ZNF280D: variants seen among roughly 807,000 people sequenced by gnomAD.
ZNF280D encodes suppressor of hairy wing homolog 4.
In ZNF280D, 39 loss-of-function variants were observed where a neutral mutation model predicts 94.7. The observed-to-expected ratio is 0.41, with a 90% CI of 0.32 to 0.54. The LOEUF is 0.54. Ranked by LOEUF, ZNF280D falls within the 20% of genes least tolerant of loss-of-function variation. The pLI, the probability that ZNF280D is intolerant of heterozygous loss-of-function variation, is 0.22. For synonymous variants in ZNF280D, 398 were observed against 377.6 expected (o/e 1.05, Z -0.63); for missense variants, 1,090 against 1,149.3 (o/e 0.95, Z 0.75).
chr15:56,652,559 T>G, intron 19 of ZNF280D: 2 of 868,190 alleles, frequency 2.3e-6, no homozygotes, highest in Middle Eastern at 5.9e-4. Context: ...GTAACTAAAA[T>G]AAACACATGA....
At chr15:56,652,303 A>T (rs2053253522) in intron 19 of ZNF280D, among the ~76,000 whole-genome samples, 3 of 152,150 alleles carry the variant, frequency 2.0e-5, no homozygotes, top group African/African-American at 7.2e-5. Context: ...TAGTCTTTAA[A>T]ATTTAAGAAA....
chr15:56,728,741 G>C (rs1303253270), intron 1 of ZNF280D, among the ~76,000 whole-genome samples: 1 of 152,106 alleles, frequency 6.6e-6, no homozygotes, highest in Non-Finnish European at 1.5e-5. Flanking sequence ...CTTTATAATG[G>C]TGTGAAAGTG....
Position 56,654,195 on chromosome 15 carries a change from TACTC to T in ZNF280D, c.2212_2213+2del. On this transcript the variant is annotated splice_donor_variant and coding_sequence_variant, in exon 19 of 22. Transcript: ENST00000267807. LOFTEE classifies it high-confidence loss of function. Reference sequence around the variant, plus strand: ...AAATGCACTGAATAAAAATTAAACTTACTCAGAAAGGTGCTCAGAAGTTGGGATA... The same window carrying T: ...AAATGCACTGAATAAAAATTAAACTTAGAAAGGTGCTCAGAAGTTGGGATA... 6.2e-7 allele frequency: 1 copy of T among 1,606,310 alleles called. No individual in the cohort carries two copies. The highest frequency in any genetic ancestry group is 8.5e-7 in the Non-Finnish European group (1 of 1,178,000).
rs148348472 is a variant in ZNF280D, at chr15:56,662,446, C to T, written c.1994+3949G>A. On this transcript the variant is annotated intron_variant, in intron 16 of 21. Coordinates refer to ENST00000267807, the MANE Select transcript of ZNF280D (RefSeq NM_017661.4). ...TAAAACAAATAATGACTATCACCTGCAGTTTGTAATGTGCTAGGTGATATG... is the reference window on the plus strand; with the variant it reads ...TAAAACAAATAATGACTATCACCTGTAGTTTGTAATGTGCTAGGTGATATG... Among the ~76,000 whole-genome samples the T allele has an allele frequency of 2.0e-3, 298 of 152,272 alleles. 1 individual carries two copies. Among genetic ancestry groups the T allele is most frequent in the African/African-American group, 7.0e-3 (292 of 41,550 alleles).
chr15:56,703,297 A>G (rs1248697089), intron 4 of ZNF280D, among the ~76,000 whole-genome samples: 3 of 152,196 alleles, frequency 2.0e-5, no homozygotes, highest in African/African-American at 7.2e-5. Context: ...TTTCATGAAT[A>G]TAAAAAGGAG....
chr15:56,654,096 AAC>A, intron 19 of ZNF280D, 100 bp downstream of exon 19: 1 of 1,518,498 alleles, frequency 6.6e-7, no homozygotes, highest in South Asian at 1.4e-5. Flanking sequence ...AAAAAACAAC[AAC>A]ATACTTTAAT....
chr15:56,700,810 C>T, intron 6 of ZNF280D, 123 bp downstream of exon 6: 1 of 1,567,918 alleles, frequency 6.4e-7, no homozygotes, highest in Non-Finnish European at 8.7e-7. Flanking sequence ...TTTTCTGATG[C>T]TAACTATGCT....
At chr15:56,720,970 TGGG>T (rs58898538) in intron 1 of ZNF280D, among the ~76,000 whole-genome samples, 31 of 26,580 alleles carry the variant, frequency 1.2e-3, no homozygotes, top group Admixed American at 3.6e-3. Context: ...GCATTTTTTT[TGGG>T]GGGGGGGGGG....
chr15:56,714,476 G>A (rs1315408178), intron 1 of ZNF280D, among the ~76,000 whole-genome samples: 12 of 152,052 alleles, frequency 7.9e-5, no homozygotes, highest in African/African-American at 2.9e-4. Flanking sequence ...ATTTTTAAAA[G>A]ACTATATATT....
At chr15:56,637,399 T>C (rs1359839093) in intron 20 of ZNF280D, among the ~76,000 whole-genome samples, 1 of 151,898 alleles carries the variant, frequency 6.6e-6, no homozygotes, top group Non-Finnish European at 1.5e-5. Context: ...CAGGCTGGTC[T>C]CAAACTCCCA....
At chr15:56,713,444 T>A (rs2057880138) in intron 1 of ZNF280D, among the ~76,000 whole-genome samples, 1 of 152,330 alleles carries the variant, frequency 6.6e-6, no homozygotes, top group Admixed American at 6.5e-5. Context: ...TTCATTTTTT[T>A]ACTCTCAGAA....
chr15:56,668,422 T>G (rs2054444422), intron 14 of ZNF280D, among the ~76,000 whole-genome samples: 1 of 152,070 alleles, frequency 6.6e-6, no homozygotes, highest in Admixed American at 6.6e-5. Context: ...ATCTGAGAAC[T>G]TATGGAACTC....
chr15:56,694,641 C>T (rs1337898748), intron 6 of ZNF280D, among the ~76,000 whole-genome samples: 5 of 152,020 alleles, frequency 3.3e-5, no homozygotes, highest in Admixed American at 1.3e-4. Context: ...GGCATGTTAC[C>T]ATAATATCTA....
intron 1 of ZNF280D, among the ~76,000 whole-genome samples, chr15:56,707,614 C>G (rs778740071): frequency 1.3e-5 from 2 of 152,086 alleles, no homozygotes; most frequent in Non-Finnish European, 2.9e-5. Context: ...TTTTCAAACG[C>G]TGAGTGACAT....
intron 17 of ZNF280D, 117 bp from the exon 18 acceptor site, chr15:56,654,620 T>G: frequency 1.1e-6 from 1 of 871,110 alleles, no homozygotes; most frequent in South Asian, 1.8e-5. Flanking sequence ...AACTTCCCAT[T>G]TTTGTTATAT....
intron 16 of ZNF280D, among the ~76,000 whole-genome samples, chr15:56,659,431 T>C (rs1483004537): frequency 2.0e-5 from 3 of 152,108 alleles, no homozygotes; most frequent in African/African-American, 7.2e-5. Context: ...GTTACACACA[T>C]ACAGCACAAT....
At chr15:56,644,768 C>G (rs2052797763) in intron 19 of ZNF280D, among the ~76,000 whole-genome samples, 3 of 152,104 alleles carry the variant, frequency 2.0e-5, no homozygotes, top group Admixed American at 2.0e-4. Context: ...AAACACAGTC[C>G]TCTTGCTATC....
At chr15:56,670,967 G>A (rs181454615) in intron 13 of ZNF280D, among the ~76,000 whole-genome samples, 3 of 151,864 alleles carry the variant, frequency 2.0e-5, no homozygotes, top group East Asian at 1.9e-4. Context: ...ATTGTTGGCC[G>A]CATGTATGTC....
At chr15:56,675,519 A>G (rs1007738120) in intron 13 of ZNF280D, among the ~76,000 whole-genome samples, 51 of 152,022 alleles carry the variant, frequency 3.4e-4, no homozygotes, top group Admixed American at 2.6e-4. Flanking sequence ...AATTTTTTAT[A>G]AGTATACTAC....
Sources: gnomAD v4.1 joint callset for allele counts (sites outside exome capture counted in the v4.1 genomes callset) on GRCh38, gnomAD v4.1.1 for gene constraint, MANE v1.5 for transcripts, NCBI Gene and HGNC (gene_info 2026-07-23, HGNC 2026-07-21) for gene names.